SIRT5: variants seen among roughly 807,000 people sequenced by gnomAD.
The protein encoded by SIRT5 is NAD-dependent protein deacylase sirtuin-5, mitochondrial.
SIRT5 carries 26 observed loss-of-function variants against 40.0 expected under a neutral mutation model. That is an observed-to-expected ratio of 0.65 (90% CI 0.48 to 0.90). The LOEUF (loss-of-function observed/expected upper bound fraction) is 0.90, where lower values mean the gene tolerates loss of function less well. SIRT5 is among the 40% of genes least tolerant of loss of function. The probability of loss-of-function intolerance (pLI) is 0.00; values close to 1 mark genes in which losing one functional copy is unlikely to be tolerated. For synonymous variants in SIRT5, 146 were observed against 149.1 expected (o/e 0.98, Z 0.15); for missense variants, 401 against 402.4 (o/e 1.00, Z 0.03).
chr6:13,611,800 C>G lies in SIRT5; in HGVS notation c.868C>G (p.Gln290Glu). 1 of 1,613,454 alleles carries G rather than the reference C, an allele frequency of 6.2e-7. No individual in the cohort carries two copies. The highest frequency in any genetic ancestry group is 8.5e-7 in the Non-Finnish European group (1 of 1,179,456). The change falls in exon 10 of 10, where the codon CAG (glutamine) becomes GAG (glutamate). Residue 290 changes from glutamine to glutamate, a missense_variant. By Grantham distance (29) the Gln-to-Glu change is conservative. Coordinates refer to ENST00000606117, the MANE Select transcript of SIRT5 (RefSeq NM_012241.5). ...PATNRFRFHF[Q>E]GPCGTTLPEA... ...CTTCTTCTCTTTCAGGTTTCATTTC[C>G]AGGGACCCTGTGGAACGACTCTTCC... is the stretch of plus-strand genomic sequence containing the variant.
At chr6:13,604,144 A>G (rs145736292) in intron 9 of SIRT5, among the ~76,000 whole-genome samples, 180 of 152,376 alleles carry the variant, frequency 1.2e-3, no homozygotes, top group African/African-American at 3.9e-3. Flanking sequence ...CTGTGAATAC[A>G]CTAAAAGCCA....
chr6:13,615,142 A>C lies in SIRT5; in HGVS notation c.*3277A>C. On this transcript the variant is annotated 3_prime_UTR_variant, in exon 10 of 10. Transcript: ENST00000606117. ...TGCCAGCCGCTTTCGCCGGCAGAGC[A>C]TTTTCCGTGGGGTCCATCCGGCTCC... The C allele has an allele frequency of 1.9e-6, 1 of 513,008 alleles. No homozygotes were observed. 31.8% of individuals were successfully genotyped at this position (513,008 alleles called of 1,614,324 possible).
rs914137737 is a variant in SIRT5 at position 13,607,777 on chromosome 6, A to G, written c.858-4013A>G. ...TTATTTATTTATTGATGTTTGAGAC[A>G]GAGTCTGGCTCTGTTGCCCAGGCTG... On this transcript the variant is annotated intron_variant, in intron 9 of 9. Transcript: ENST00000606117. The surrounding 1 kb of genome is among the most constrained non-coding windows in gnomAD (Gnocchi z 4.0). 6.6e-6 allele frequency among the ~76,000 whole-genome samples: 1 copy of G among 152,212 alleles called. No homozygotes were observed. Among genetic ancestry groups the G allele is most frequent in the African/African-American group, 2.4e-5 (1 of 41,450 alleles).
rs1299793288 is a variant in SIRT5, at chr6:13,615,060, C to T, written c.*3195C>T. ...GTGAGCCGTGCCAGCCCTGTCTCGC[C>T]ATCCCAGCCGAGGAGGGCAGCGCGA... On this transcript the variant is annotated 3_prime_UTR_variant, in exon 10 of 10. Transcript: ENST00000606117. 5.3e-6 allele frequency: 2 copies of T among 380,116 alleles called. No homozygotes were observed. The highest frequency in any genetic ancestry group is 9.5e-6 in the Non-Finnish European group (2 of 211,030). The allele number at this position is 380,116 out of a possible 1,614,324, so 23.5% of individuals were successfully genotyped here. A position where few individuals can be genotyped will look rare whatever the true frequency, so the allele number is the denominator to read the frequency against.
Position 13,599,054 on chromosome 6 carries a change from G to A in SIRT5, c.640G>A (p.Gly214Ser). The A allele has an allele frequency of 6.2e-7, 1 of 1,614,068 alleles. No homozygotes were observed. The highest frequency in any genetic ancestry group is 8.5e-7 in the Non-Finnish European group (1 of 1,180,012). Residue 214 changes from glycine to serine, a missense_variant, in exon 8 of 10, where the codon GGC (glycine) becomes AGC (serine). Transcript: ENST00000606117. Reference sequence around the variant, plus strand: ...CAGGTGTGAAGAGGCAGGCTGCGGGGGCTTGCTGCGACCTCACGTCGTGTG... The same window carrying A: ...CAGGTGTGAAGAGGCAGGCTGCGGGAGCTTGCTGCGACCTCACGTCGTGTG... ...LPRCEEAGCG[G>S]LLRPHVVWFG...
chr6:13,599,991 A>G (rs971440462), intron 8 of SIRT5, among the ~76,000 whole-genome samples: 2 of 152,218 alleles, frequency 1.3e-5, no homozygotes, highest in Non-Finnish European at 2.9e-5. Flanking sequence ...ATGGTGTTAT[A>G]TATGGATAAG....
chr6:13,611,676 G>A, intron 9 of SIRT5, 114 bp from the exon 10 acceptor site: 1 of 760,812 alleles, frequency 1.3e-6, no homozygotes, highest in Non-Finnish European at 2.4e-6. Context: ...CCATCTTTAT[G>A]AGAATTTGGG....
intron 4 of SIRT5, chr6:13,589,315 A>G (rs1399021085): frequency 6.6e-6 from 1 of 152,274 alleles, no homozygotes. Context: ...TTTTCAGTAG[A>G]GACAGGGTTT....
chr6:13,597,123 A>G (rs1211777377), intron 7 of SIRT5, 107 bp downstream of exon 7: 4 of 819,942 alleles, frequency 4.9e-6, no homozygotes, highest in Admixed American at 2.6e-5. Context: ...TCTTAAATCA[A>G]ATGCACAAAT....
intron 3 of SIRT5, among the ~76,000 whole-genome samples, chr6:13,584,825 G>A (rs890923235): frequency 2.0e-5 from 3 of 152,200 alleles, no homozygotes; most frequent in African/African-American, 4.8e-5. Flanking sequence ...ACTGGTGATT[G>A]TCCTATAGGG....
intron 9 of SIRT5, among the ~76,000 whole-genome samples, chr6:13,610,231 A>G (rs529777185): frequency 6.6e-6 from 1 of 152,136 alleles, no homozygotes; most frequent in African/African-American, 2.4e-5. Context: ...TCAGCCTCCC[A>G]AAGTGCTGGG....
At chr6:13,601,010 A>ATGTTT in intron 9 of SIRT5, 61 bp downstream of exon 9, 1 of 1,308,120 alleles carries the variant, frequency 7.6e-7, no homozygotes, top group Non-Finnish European at 1.1e-6. Context: ...ATGGTCATCT[A>ATGTTT]AACATAGTTG....
chr6:13,577,110 C>T (rs1758731742), intron 1 of SIRT5, among the ~76,000 whole-genome samples: 2 of 152,184 alleles, frequency 1.3e-5, no homozygotes, highest in South Asian at 4.1e-4. Flanking sequence ...GTTCCTTTCA[C>T]TCAAGACTGC....
intron 5 of SIRT5, among the ~76,000 whole-genome samples, chr6:13,593,440 C>A (rs2127665552): frequency 6.6e-6 from 1 of 152,282 alleles, no homozygotes; most frequent in South Asian, 2.1e-4. Flanking sequence ...AGCCACTTTC[C>A]ATGTGCCTCT....
intron 9 of SIRT5, among the ~76,000 whole-genome samples, chr6:13,603,248 G>T (rs1235781339): frequency 7.1e-6 from 1 of 141,738 alleles, no homozygotes; most frequent in Non-Finnish European, 1.5e-5. Context: ...CTGCACTCCA[G>T]CCTGGGCGAC....
chr6:13,609,408 A>C (rs1763550710), intron 9 of SIRT5, among the ~76,000 whole-genome samples: 1 of 152,222 alleles, frequency 6.6e-6, no homozygotes, highest in African/African-American at 2.4e-5. Flanking sequence ...ATTTGAATGA[A>C]GTAGTTTTTG....
intron 3 of SIRT5, 32 bp downstream of exon 3, chr6:13,584,257 G>T (rs1461311972): frequency 6.7e-7 from 1 of 1,486,626 alleles, no homozygotes; most frequent in Non-Finnish European, 9.4e-7. Flanking sequence ...CTCACCTGCA[G>T]CCAAATGTGA....
chr6:13,588,346 G>A lies in SIRT5; in HGVS notation c.131G>A (p.Arg44Gln), dbSNP rs765381829. 6.8e-6 allele frequency: 11 copies of A among 1,613,702 alleles called. No individual in the cohort carries two copies. The highest frequency in any genetic ancestry group is 3.3e-5 in the South Asian group (3 of 90,986). ...ARPSSSMADF[R>Q]KFFAKAKHIV... Reference sequence around the variant, plus strand: ...CTCTGTTTAGGTATGGCAGATTTTCGAAAGTTTTTTGCAAAAGCAAAGCAC... The same window carrying A: ...CTCTGTTTAGGTATGGCAGATTTTCAAAAGTTTTTTGCAAAAGCAAAGCAC... Residue 44 changes from arginine (R) to glutamine (Q), a missense_variant, in exon 4 of 10, where the codon CGA becomes CAA. Physicochemically the swap from Arg to Gln is conservative, Grantham distance 43. Coordinates refer to ENST00000606117, the MANE Select transcript of SIRT5 (RefSeq NM_012241.5).
In SIRT5 at chr6:13,605,949, A is replaced by G. The variant is rs1005184988; in HGVS notation, c.857+5000A>G. The stretch of plus-strand genomic sequence containing the variant: ...GTTGGAATTTAATTAAAGTCCACAA[A>G]TATTTGTAAGTATCCACTATGTATC... On this transcript the variant is annotated intron_variant, in intron 9 of 9. Transcript: ENST00000606117. Among the ~76,000 whole-genome samples the G allele has an allele frequency of 4.6e-5, 7 of 152,230 alleles. No individual in the cohort carries two copies. The East Asian group carries it at 1.2e-3, about 25-fold the overall frequency.
Sources: gnomAD v4.1 joint callset for allele counts (sites outside exome capture counted in the v4.1 genomes callset) on GRCh38, gnomAD v4.1.1 for gene constraint, Gnocchi (gnomAD v3.1) non-coding constraint, MANE v1.5 for transcripts, NCBI Gene and HGNC (gene_info 2026-07-23, HGNC 2026-07-21) for gene names.